COL6A6: variants seen among roughly 807,000 people sequenced by gnomAD.
COL6A6 encodes the protein collagen type VI alpha 6 chain.
Under a neutral mutation model 208.6 loss-of-function variants are expected in COL6A6, and 183 were observed. That is an observed-to-expected ratio of 0.88 (90% CI 0.78 to 0.99). The LOEUF (loss-of-function observed/expected upper bound fraction) is 0.99. COL6A6 is among the 50% of genes least tolerant of loss of function. The pLI, the probability that COL6A6 is intolerant of heterozygous loss-of-function variation, is 0.00. For synonymous variants in COL6A6, 973 were observed against 1,011.8 expected (o/e 0.96, Z 0.73); for missense variants, 2,816 against 2,815.2 (o/e 1.00, Z -0.01).
chr3:130,625,592 TC>T (rs1489735856), intron 24 of COL6A6, among the ~76,000 whole-genome samples: 1 of 152,182 alleles, frequency 6.6e-6, no homozygotes, highest in African/African-American at 2.4e-5. Flanking sequence ...TGGGGGACTT[TC>T]TACAGACTGC....
intron 23 of COL6A6, among the ~76,000 whole-genome samples, chr3:130,614,082 C>T (rs1053060158): frequency 2.6e-5 from 4 of 151,984 alleles, no homozygotes; most frequent in African/African-American, 9.7e-5. Context: ...GAGGGCATCC[C>T]TGTATTCTGG....
At chr3:130,541,980 T>C (rs2062374124) in intron 1 of COL6A6, among the ~76,000 whole-genome samples, 1 of 152,188 alleles carries the variant, frequency 6.6e-6, no homozygotes, top group African/African-American at 2.4e-5. Context: ...ATTAGCCTTT[T>C]AATGTCCATG....
intron 4 of COL6A6, 88 bp from the exon 5 acceptor site, chr3:130,566,614 G>C: frequency 9.2e-7 from 1 of 1,091,102 alleles, no homozygotes. Flanking sequence ...TGTCTGAAGA[G>C]GTTCATATTT....
At chr3:130,592,306 C>G (rs113548465) in intron 13 of COL6A6, among the ~76,000 whole-genome samples, 224 of 152,274 alleles carry the variant, frequency 1.5e-3, no homozygotes, top group African/African-American at 5.1e-3. Context: ...TTGGTGACCA[C>G]TTGGTGAGAG....
chr3:130,574,387 A>C lies in COL6A6; in HGVS notation c.3409A>C (p.Ile1137Leu). The change falls in exon 8 of 37, where the codon ATT becomes CTT. Residue 1137 changes from isoleucine to leucine, a missense_variant. Coordinates refer to ENST00000358511, the MANE Select transcript of COL6A6 (RefSeq NM_001102608.3). Reference sequence around the variant, plus strand: ...AGGTATCGACATCTACTCCGTGGGCATTGGGGATGTGGATGACCAGCAGCT... The same window carrying C: ...AGGTATCGACATCTACTCCGTGGGCCTTGGGGATGTGGATGACCAGCAGCT... ...HRGIDIYSVG[I>L]GDVDDQQLIQ... The C allele has an allele frequency of 6.2e-7, 1 of 1,614,064 alleles. No homozygotes were observed. The highest frequency in any genetic ancestry group is 1.1e-5 in the South Asian group (1 of 91,082).
chr3:130,644,014 T>C (rs1013404150), intron 31 of COL6A6, among the ~76,000 whole-genome samples: 6 of 152,178 alleles, frequency 3.9e-5, no homozygotes, highest in Non-Finnish European at 7.3e-5. Context: ...ATGTAAATTG[T>C]AATGACTCAA....
chr3:130,579,989 GTT>G (rs1361720155), intron 8 of COL6A6, among the ~76,000 whole-genome samples: 1 of 152,178 alleles, frequency 6.6e-6, no homozygotes, highest in East Asian at 1.9e-4. Flanking sequence ...ACCTAAATAA[GTT>G]TGTACGTTCA....
intron 35 of COL6A6, among the ~76,000 whole-genome samples, chr3:130,663,955 C>T (rs181984071): frequency 1.3e-5 from 2 of 152,296 alleles, no homozygotes; most frequent in African/African-American, 4.8e-5. Context: ...CCATAGCAGG[C>T]TCACAGACTT....
At chr3:130,546,626 T>A (rs1264471657) in intron 1 of COL6A6, among the ~76,000 whole-genome samples, 1 of 152,160 alleles carries the variant, frequency 6.6e-6, no homozygotes, top group Non-Finnish European at 1.5e-5. Flanking sequence ...AGCTAATTGA[T>A]CCATTTTGAC....
intron 36 of COL6A6, among the ~76,000 whole-genome samples, chr3:130,670,261 G>A (rs17691983): frequency 0.2 from 29,673 of 152,166 alleles, 3,120 homozygotes; most frequent in South Asian, 0.35. Flanking sequence ...GACTCTTGCC[G>A]AGGACAGTAT....
intron 36 of COL6A6, among the ~76,000 whole-genome samples, chr3:130,665,447 C>T (rs1268101060): frequency 6.6e-6 from 1 of 151,966 alleles, no homozygotes; most frequent in East Asian, 1.9e-4. Context: ...TTCTAGATTG[C>T]CCCAGGGAAG....
In COL6A6 at chr3:130,634,782, A is replaced by G. The variant is rs536335871; in HGVS notation, c.5028+157A>G. Among the ~76,000 whole-genome samples the G allele has an allele frequency of 2.0e-5, 3 of 152,328 alleles. No individual in the cohort carries two copies. The East Asian group carries it at 5.8e-4, about 29-fold the overall frequency. On this transcript the variant is annotated intron_variant, in intron 27 of 36. Coordinates refer to ENST00000358511, the MANE Select transcript of COL6A6 (RefSeq NM_001102608.3). ...AAAGAAATAGACCAATATTTTTTCA[A>G]TTTTTAAGATTATACATTTGTTTAG...
intron 33 of COL6A6, among the ~76,000 whole-genome samples, chr3:130,655,488 T>C (rs2065763678): frequency 6.6e-6 from 1 of 152,084 alleles, no homozygotes; most frequent in Non-Finnish European, 1.5e-5. Context: ...ATTACTCAAA[T>C]AAACTTGAAG....
rs1234160102 is a variant in COL6A6 at position 130,675,598 on chromosome 3, G to A, written c.*201G>A. 3 of 438,704 alleles carry A rather than the reference G, an allele frequency of 6.8e-6. No individual in the cohort carries two copies. Among genetic ancestry groups the A allele is most frequent in the Non-Finnish European group, 1.2e-5 (3 of 248,088 alleles). The allele number at this position is 438,704 out of a possible 1,614,324, so 27.2% of individuals were successfully genotyped here. A position where few individuals can be genotyped will look rare whatever the true frequency, so the allele number is the denominator to read the frequency against. ...TCCAGCACTCTACGACTGATATGTC[G>A]AAGAACTGTTTCATTAGAAGACAGA... On this transcript the variant is annotated 3_prime_UTR_variant, in exon 37 of 37. Coordinates refer to ENST00000358511, the MANE Select transcript of COL6A6 (RefSeq NM_001102608.3).
intron 1 of COL6A6, among the ~76,000 whole-genome samples, chr3:130,542,794 T>A (rs1202197188): frequency 2.0e-5 from 3 of 152,186 alleles, no homozygotes; most frequent in African/African-American, 7.2e-5. Context: ...TTATCCCTGA[T>A]AACTTTTCTT....
chr3:130,567,593 T>C (rs2063058693), intron 5 of COL6A6, among the ~76,000 whole-genome samples: 1 of 152,264 alleles, frequency 6.6e-6, no homozygotes. Flanking sequence ...TTCAGGTTTA[T>C]ATGAATGTCT....
rs770825692 is a variant in COL6A6, at chr3:130,567,273, TC to T, written c.1843+12del. 1.5e-5 allele frequency: 23 copies of T among 1,585,716 alleles called. No individual in the cohort carries two copies. The East Asian group carries it at 4.9e-4, about 34-fold the overall frequency. ...TCTGTACTGAAGAAGGTAAGAGAAA[TC>T]GTGGCTTTACCTACTGACCTTCACT... On this transcript the variant is annotated intron_variant, in intron 5 of 36. Transcript: ENST00000358511.
chr3:130,617,509 G>A (rs1243731338), intron 23 of COL6A6, among the ~76,000 whole-genome samples: 1 of 152,138 alleles, frequency 6.6e-6, no homozygotes, highest in Non-Finnish European at 1.5e-5. Context: ...ACCACAAATG[G>A]CTCAATATGG....
At chr3:130,649,606 G>T (rs1309101282) in intron 33 of COL6A6, 44 bp downstream of exon 33, 2 of 1,498,358 alleles carry the variant, frequency 1.3e-6, no homozygotes, top group Non-Finnish European at 8.9e-7. Flanking sequence ...TACTTATCTT[G>T]CCTGTATTCA....
Sources: allele counts gnomAD v4.1 joint callset (sites outside exome capture counted in the v4.1 genomes callset), GRCh38; gene constraint gnomAD v4.1.1; transcripts MANE v1.5; gene names NCBI Gene and HGNC (gene_info 2026-07-23, HGNC 2026-07-21).